SULF2: variants seen among roughly 807,000 people sequenced by gnomAD.
The protein encoded by SULF2 is extracellular sulfatase Sulf-2.
In SULF2, 52 loss-of-function variants were observed where a neutral mutation model predicts 107.7. The ratio of observed to expected loss-of-function variants is 0.48; its 90% CI spans 0.39 to 0.61. The LOEUF (loss-of-function observed/expected upper bound fraction) is 0.61. Among genes scored for constraint, SULF2 ranks in the 20% least tolerant of loss-of-function variants. SULF2 has a pLI of 0.00. For synonymous variants in SULF2, 460 were observed against 464.3 expected, an observed-to-expected ratio of 0.99 and a Z score of 0.12; for missense variants, 993 against 1,177.3, an observed-to-expected ratio of 0.84 and a Z score of 2.29.
At chr20:47,745,444 TATATATATATATACACATAC>T (rs1467525791) in intron 2 of SULF2, among the ~76,000 whole-genome samples, 3,138 of 15,954 alleles carry the variant, frequency 0.2, 261 homozygotes, top group Middle Eastern at 0.3. Flanking sequence ...TATATATATA[TATATATATATATACACATAC>T]ACACACACTT....
intron 2 of SULF2, among the ~76,000 whole-genome samples, chr20:47,737,231 C>T (rs914907965): frequency 3.9e-5 from 6 of 152,264 alleles, no homozygotes; most frequent in East Asian, 1.9e-4. Context: ...TGTCACTGTC[C>T]GGTACTGTAA....
intron 3 of SULF2, among the ~76,000 whole-genome samples, chr20:47,721,265 G>C (rs1243322685): frequency 6.6e-6 from 1 of 152,164 alleles, no homozygotes; most frequent in Non-Finnish European, 1.5e-5. Context: ...AAATGAGGAA[G>C]GTGGGGTCAT....
intron 19 of SULF2, 106 bp downstream of exon 19, chr20:47,659,591 G>A: frequency 7.4e-7 from 1 of 1,356,746 alleles, no homozygotes; most frequent in Non-Finnish European, 1.1e-6. Flanking sequence ...AGACCAGAGG[G>A]AAGGGCAGTT....
At position 47,680,498 on chromosome 20, in the gene SULF2, C is replaced by G. The variant is rs867329920; in HGVS notation, c.1065-1694G>C. On this transcript the variant is annotated intron_variant, in intron 7 of 20. Coordinates refer to ENST00000688720, the MANE Select transcript of SULF2 (RefSeq NM_001387048.1). The surrounding 1 kb of genome is among the most constrained non-coding windows in gnomAD (Gnocchi z 4.2). ...GGACCTGTTGAATGGTGGACAGTCC[C>G]GTCAGAGCATCTGAGTGCCTTCCCC... is the stretch of plus-strand genomic sequence containing the variant. 6.6e-6 allele frequency among the ~76,000 whole-genome samples: 1 copy of G among 152,222 alleles called. No homozygotes were observed. Among genetic ancestry groups the G allele is most frequent in the Admixed American group, 6.5e-5 (1 of 15,286 alleles).
At chr20:47,698,295 C>T (rs908594386) in intron 4 of SULF2, among the ~76,000 whole-genome samples, 2 of 152,210 alleles carry the variant, frequency 1.3e-5, no homozygotes, top group Admixed American at 6.5e-5. Context: ...GCTCCTGCTA[C>T]CCCCATGTCT....
At chr20:47,736,254 A>G (rs1204855197) in intron 3 of SULF2, among the ~76,000 whole-genome samples, 1 of 152,156 alleles carries the variant, frequency 6.6e-6, no homozygotes, top group African/African-American at 2.4e-5. Context: ...GGTTACTGCC[A>G]CGTAGAAAGC....
At chr20:47,688,075 G>A (rs1380882325) in intron 5 of SULF2, among the ~76,000 whole-genome samples, 1 of 152,044 alleles carries the variant, frequency 6.6e-6, no homozygotes, top group African/African-American at 2.4e-5. Flanking sequence ...GGGGTGGATG[G>A]TACCACCATC....
At chr20:47,663,325 C>T in intron 16 of SULF2, 113 bp from the exon 17 acceptor site, 1 of 1,576,454 alleles carries the variant, frequency 6.3e-7, no homozygotes, top group Non-Finnish European at 8.6e-7. Context: ...TGCCAAGAGG[C>T]TGTCCCGAGC....
rs757343591 is a variant in SULF2, at chr20:47,757,402, G to A, written c.-39C>T. 1.2e-5 allele frequency: 18 copies of A among 1,536,356 alleles called. No homozygotes were observed. In the South Asian group the frequency reaches 1.3e-4, roughly 11 times the overall value. On this transcript the variant is annotated 5_prime_UTR_variant, in exon 2 of 21. Transcript: ENST00000688720. Reference sequence around the variant, plus strand: ...TGATCTGGTGCTTCTTTTGGGATGCGGGAGTCTCAAGTTGCGTCTGTGGCT... The same window carrying A: ...TGATCTGGTGCTTCTTTTGGGATGCAGGAGTCTCAAGTTGCGTCTGTGGCT...
chr20:47,664,027 G>T, intron 15 of SULF2, 103 bp downstream of exon 15: 2 of 1,263,768 alleles, frequency 1.6e-6, no homozygotes. Context: ...CCCAGGGAAG[G>T]GCCTGGACTT....
At chr20:47,665,111 A>ATTTC (rs1736021099) in intron 14 of SULF2, 88 bp downstream of exon 14, 10 of 860,928 alleles carry the variant, frequency 1.2e-5, no homozygotes, top group Non-Finnish European at 2.0e-5. Flanking sequence ...AAAATAAAAA[A>ATTTC]TGAAAGGGGT....
chr20:47,658,491 T>A, intron 20 of SULF2, 99 bp from the exon 21 acceptor site: 1 of 1,257,116 alleles, frequency 8.0e-7, no homozygotes, highest in Non-Finnish European at 1.2e-6. Flanking sequence ...GCTTCAAGGC[T>A]GCTGAGAATG....
intron 7 of SULF2, among the ~76,000 whole-genome samples, chr20:47,679,263 G>T (rs537018328): frequency 7.2e-5 from 11 of 152,110 alleles, no homozygotes; most frequent in African/African-American, 2.7e-4. Context: ...CCTTTCCCTG[G>T]AGATCAGGGG....
intron 1 of SULF2, among the ~76,000 whole-genome samples, chr20:47,761,611 C>T (rs1471752089): frequency 1.3e-5 from 2 of 152,220 alleles, no homozygotes; most frequent in Non-Finnish European, 2.9e-5. Flanking sequence ...CGTGCCCTCG[C>T]GCTCGCACTC....
intron 11 of SULF2, among the ~76,000 whole-genome samples, chr20:47,669,220 C>T (rs1334639348): frequency 2.6e-5 from 4 of 152,172 alleles, no homozygotes; most frequent in African/African-American, 9.7e-5. Context: ...GCCCATCCCC[C>T]GAGTCCTCGT....
intron 1 of SULF2, among the ~76,000 whole-genome samples, chr20:47,779,896 C>T (rs753272461): frequency 7.8e-4 from 118 of 152,104 alleles, no homozygotes; most frequent in Admixed American, 1.6e-3. Flanking sequence ...CATAAGCCAC[C>T]GCGTCCAGAC....
At chr20:47,682,955 C>CA in intron 7 of SULF2, 39 bp downstream of exon 7, 1 of 1,547,068 alleles carries the variant, frequency 6.5e-7, no homozygotes, top group Non-Finnish European at 8.8e-7. Context: ...GAGCTGGGCC[C>CA]AGGGGCCTCC....
chr20:47,722,794 G>A (rs1348516091), intron 3 of SULF2, among the ~76,000 whole-genome samples: 3 of 148,886 alleles, frequency 2.0e-5, no homozygotes, highest in African/African-American at 4.9e-5. Flanking sequence ...GGCTGGGTGC[G>A]GTGGCTCATG....
At chr20:47,750,806 C>T (rs1315076030) in intron 2 of SULF2, among the ~76,000 whole-genome samples, 1 of 152,220 alleles carries the variant, frequency 6.6e-6, no homozygotes, top group Non-Finnish European at 1.5e-5. Context: ...CGGCTCTGAG[C>T]CTGCTGAGAC....
Sources: allele counts gnomAD v4.1 joint callset (sites outside exome capture counted in the v4.1 genomes callset), GRCh38; gene constraint gnomAD v4.1.1; non-coding constraint Gnocchi (gnomAD v3.1); transcripts MANE v1.5; gene names NCBI Gene and HGNC (gene_info 2026-07-23, HGNC 2026-07-21).